The following UGDH variants were observed in gnomAD, a reference collection of about 807,000 sequenced individuals.
UGDH encodes the protein UDP-Glc dehydrogenase.
Under a neutral mutation model 50.6 loss-of-function variants are expected in UGDH, and 38 were observed. That is an observed-to-expected ratio of 0.75 (90% CI 0.58 to 0.98). UGDH has a LOEUF of 0.98. Ranked by LOEUF, UGDH falls within the 50% of genes least tolerant of loss-of-function variation. The pLI is 0.00. For synonymous variants in UGDH, 168 were observed against 199.9 expected (o/e 0.84, Z 1.35); for missense variants, 465 against 606.2 (o/e 0.77, Z 2.45).
chr4:39,526,290 T>C (rs1387812604), intron 1 of UGDH: 1 of 152,220 alleles, frequency 6.6e-6, no homozygotes, highest in Non-Finnish European at 1.5e-5. Context: ...GGAAGATGGA[T>C]TATGCTTATC....
chr4:39,520,509 T>C (rs1216379473), intron 2 of UGDH, among the ~76,000 whole-genome samples: 3 of 151,896 alleles, frequency 2.0e-5, no homozygotes, highest in African/African-American at 7.3e-5. Flanking sequence ...GGAAACCAGA[T>C]AGCTCAGTAA....
intron 11 of UGDH, among the ~76,000 whole-genome samples, chr4:39,502,680 G>A (rs1745865840): frequency 6.6e-6 from 1 of 152,168 alleles, no homozygotes; most frequent in Non-Finnish European, 1.5e-5. Flanking sequence ...TGAAATAGAT[G>A]TAACCTACAA....
rs1373738864 is a variant in UGDH at position 39,500,183 on chromosome 4, A to T, written c.1445T>A (p.Phe482Tyr). The change falls in exon 12 of 12, where the codon TTT becomes TAT. Residue 482 changes from phenylalanine (F) to tyrosine (Y), a missense_variant. Transcript: ENST00000316423. ...CTTGTTAGGTGGATCTTGAAGACTA[A>T]ACTTCGGAATTTCACCAGAAGGAGC... is the stretch of plus-strand genomic sequence containing the variant. ...PYAPSGEIPK[F>Y]SLQDPPNKKP... 6.2e-7 allele frequency: 1 copy of T among 1,605,474 alleles called. No homozygotes were observed. The highest frequency in any genetic ancestry group is 1.7e-5 in the Admixed American group (1 of 59,836).
chr4:39,501,909 A>G (rs1234370351), intron 11 of UGDH, among the ~76,000 whole-genome samples: 1 of 152,188 alleles, frequency 6.6e-6, no homozygotes, highest in African/African-American at 2.4e-5. Flanking sequence ...TAAACATACT[A>G]CTCACTTTTC....
In UGDH at chr4:39,500,341, C is replaced by T. The variant is rs1235820553; in HGVS notation, c.1375-88G>A. ...GTACTGAAATGGGAGCAGGGGGAAT[C>T]TAGATTTTTTTCTTAGAAAAGGATT... On this transcript the variant is annotated intron_variant, in intron 11 of 11. Transcript: ENST00000316423. 3.8e-6 allele frequency: 3 copies of T among 793,034 alleles called. No homozygotes were observed. The South Asian group carries it at 7.2e-5, about 19-fold the overall frequency. The allele number at this position is 793,034 out of a possible 1,614,324, so 49.1% of individuals were successfully genotyped here.
At chr4:39,509,733 T>A in intron 6 of UGDH, 27 bp downstream of exon 6, 1 of 1,596,942 alleles carries the variant, frequency 6.3e-7, no homozygotes, top group Non-Finnish European at 8.5e-7. Context: ...CACTAGCTCT[T>A]TCTACTAGAG....
chr4:39,508,729 C>A, intron 6 of UGDH, 69 bp from the exon 7 acceptor site: 2 of 1,326,572 alleles, frequency 1.5e-6, no homozygotes, highest in South Asian at 1.3e-5. Flanking sequence ...TGACAAATTT[C>A]TTTATACTAA....
chr4:39,521,629 G>T, intron 1 of UGDH, 110 bp from the exon 2 acceptor site: 1 of 918,416 alleles, frequency 1.1e-6, no homozygotes. Flanking sequence ...CAGATATCTG[G>T]AAAGATTTCC....
In UGDH at chr4:39,499,517, G is replaced by A. The variant is rs1435528777; in HGVS notation, c.*626C>T. 6.6e-6 allele frequency: 1 copy of A among 152,022 alleles called. No individual in the cohort carries two copies. The highest frequency in any genetic ancestry group is 1.5e-5 in the Non-Finnish European group (1 of 68,018). The allele number at this position is 152,022 out of a possible 1,614,324, so 9.4% of individuals were successfully genotyped here. The stretch of plus-strand genomic sequence containing the variant: ...ATGTGATATTAAAGTGTGGCCTATG[G>A]ACAATTTATAAAGTAAAGAGTTTGA... On this transcript the variant is annotated 3_prime_UTR_variant, in exon 12 of 12. Transcript: ENST00000316423.
intron 10 of UGDH, among the ~76,000 whole-genome samples, 185 bp downstream of exon 10, chr4:39,504,232 C>T (rs954501798): frequency 5.3e-5 from 8 of 151,682 alleles, no homozygotes; most frequent in African/African-American, 1.9e-4. Flanking sequence ...GGCGTGAACC[C>T]AGGAGGCAGA....
chr4:39,502,388 G>A (rs1745851063), intron 11 of UGDH, among the ~76,000 whole-genome samples: 2 of 152,194 alleles, frequency 1.3e-5, no homozygotes. Context: ...CCTTCAACAA[G>A]TTGGTGAGAG....
In UGDH at chr4:39,521,416, T is replaced by C. The variant is rs914739438; in HGVS notation, c.97A>G (p.Thr33Ala). Residue 33 changes from threonine to alanine, a missense_variant, in exon 2 of 12, where the codon ACG becomes GCG. Physicochemically the swap from Thr to Ala is moderately conservative, Grantham distance 58 (BLOSUM62 0). Coordinates refer to ENST00000316423, the MANE Select transcript of UGDH (RefSeq NM_003359.4). ...IAHMCPEIRV[T>A]VVDVNESRIN... ...CTTGATTCATTGACATCAACAACCGTTACCCTGATTTCAGGACACATATGA... is the reference window on the plus strand; with the variant it reads ...CTTGATTCATTGACATCAACAACCGCTACCCTGATTTCAGGACACATATGA... 3 of 1,613,624 alleles carry C rather than the reference T, an allele frequency of 1.9e-6. No homozygotes were observed. Among genetic ancestry groups the C allele is most frequent in the Non-Finnish European group, 2.5e-6 (3 of 1,179,780 alleles).
chr4:39,510,807 T>A lies in UGDH; in HGVS notation c.319A>T (p.Lys107Ter), dbSNP rs751736713. ...CGTCTAGCACAAGCTTCAATATACT[T>A]CAGATCTGCTGCCCGGCCTTTCCCC... ...GMGKGRAADL[K>*]YIEACARRIV... The change falls in exon 4 of 12, where the codon AAG becomes TAG. Residue 107 changes from lysine (K) to a stop codon, truncating the protein, a stop_gained. Transcript: ENST00000316423. LOFTEE classifies it high-confidence loss of function. 18 of 1,614,090 alleles carry A rather than the reference T, an allele frequency of 1.1e-5. No individual in the cohort carries two copies. The South Asian group carries it at 2.0e-4, about 18-fold the overall frequency.
At chr4:39,503,807 C>T in intron 11 of UGDH, 68 bp downstream of exon 11, 1 of 1,367,892 alleles carries the variant, frequency 7.3e-7, no homozygotes, top group South Asian at 1.3e-5. Context: ...AGATTATAGT[C>T]CCCAGTTGTT....
intron 9 of UGDH, among the ~76,000 whole-genome samples, chr4:39,505,032 G>A (rs1745973311): frequency 2.0e-5 from 3 of 152,060 alleles, no homozygotes; most frequent in Admixed American, 2.0e-4. Flanking sequence ...GGAGTATGTT[G>A]GAAAAATCAA....
Position 39,509,921 on chromosome 4 carries a change from AACAT to A in UGDH, c.664-18_664-15del. Reference sequence around the variant, plus strand: ...AGCATTTGCTGCCTTAAAAAAAAAAAACATAGAGAAGAGTAAGATAAGCTAAAAC... The same window carrying A: ...AGCATTTGCTGCCTTAAAAAAAAAAAAGAGAAGAGTAAGATAAGCTAAAAC... On this transcript the variant is annotated splice_polypyrimidine_tract_variant and intron_variant, in intron 5 of 11. Coordinates refer to ENST00000316423, the MANE Select transcript of UGDH (RefSeq NM_003359.4). 5.1e-6 allele frequency: 8 copies of A among 1,574,412 alleles called. No homozygotes were observed. The highest frequency in any genetic ancestry group is 6.8e-6 in the Non-Finnish European group (8 of 1,171,314).
chr4:39,502,639 T>C (rs1200361247), intron 11 of UGDH, among the ~76,000 whole-genome samples: 1 of 152,212 alleles, frequency 6.6e-6, no homozygotes, highest in Non-Finnish European at 1.5e-5. Context: ...AAATAGCTCC[T>C]TATTAATACC....
intron 11 of UGDH, among the ~76,000 whole-genome samples, chr4:39,501,326 G>C (rs1213510675): frequency 2.0e-5 from 3 of 148,368 alleles, no homozygotes; most frequent in Non-Finnish European, 4.4e-5. Flanking sequence ...CCAGGCTGGA[G>C]TGCAGTGGCG....
intron 2 of UGDH, among the ~76,000 whole-genome samples, chr4:39,516,170 A>G (rs1394911857): frequency 6.6e-6 from 1 of 152,126 alleles, no homozygotes; most frequent in Non-Finnish European, 1.5e-5. Flanking sequence ...TGTAGTCCCA[A>G]CTATTCAGGA....
Sources: gnomAD v4.1 joint callset for allele counts (sites outside exome capture counted in the v4.1 genomes callset) on GRCh38, gnomAD v4.1.1 for gene constraint, MANE v1.5 for transcripts, NCBI Gene and HGNC (gene_info 2026-07-23, HGNC 2026-07-21) for gene names.